DPF3: variants seen among roughly 807,000 people sequenced by gnomAD.
DPF3 encodes the protein zinc finger protein DPF3.
Under a neutral mutation model 56.8 loss-of-function variants are expected in DPF3, and 18 were observed. The observed-to-expected ratio is 0.32, with a 90% CI of 0.22 to 0.47. The LOEUF (loss-of-function observed/expected upper bound fraction) is 0.47, where lower values mean the gene tolerates loss of function less well. Among genes scored for constraint, DPF3 ranks in the 20% least tolerant of loss-of-function variants. DPF3 has a pLI of 1.00. For missense variants in DPF3, 403 were observed against 488.8 expected, an observed-to-expected ratio of 0.82 and a Z score of 1.65; for synonymous variants, 188 against 180.2, an observed-to-expected ratio of 1.04 and a Z score of -0.35.
chr14:72,707,087 TG>T (rs1888437619), intron 6 of DPF3, among the ~76,000 whole-genome samples: 1 of 152,102 alleles, frequency 6.6e-6, no homozygotes. Flanking sequence ...TTTGGTTTTT[TG>T]TTCTTGCGAT....
At chr14:72,788,787 T>C (rs55702801) in intron 1 of DPF3, among the ~76,000 whole-genome samples, 22,315 of 152,190 alleles carry the variant, frequency 0.15, 1,751 homozygotes, top group Middle Eastern at 0.32. Context: ...AAGGGGTTGG[T>C]GGGTTGTCCC....
At chr14:72,673,920 C>T in intron 8 of DPF3, 2 of 280,946 alleles carry the variant, frequency 7.1e-6, no homozygotes, top group Non-Finnish European at 1.3e-5. Context: ...CAAGAAAGCA[C>T]GTTGCCTTCT....
At chr14:72,883,566 C>T (rs1472520422) in intron 1 of DPF3, among the ~76,000 whole-genome samples, 3 of 152,182 alleles carry the variant, frequency 2.0e-5, no homozygotes, top group African/African-American at 7.2e-5. Flanking sequence ...ACTTCCAAGG[C>T]TGGCAACCAA....
At chr14:72,746,467 G>A (rs1268247708) in intron 3 of DPF3, among the ~76,000 whole-genome samples, 1 of 152,162 alleles carries the variant, frequency 6.6e-6, no homozygotes, top group African/African-American at 2.4e-5. Context: ...CCTAGGGTTT[G>A]TGGGGGTTGT....
chr14:72,617,958 G>T lies in DPF3; in HGVS notation c.*1339C>A, dbSNP rs1245209241. ...ATATGTCAGTTATTGTGCTGCTGCT[G>T]CGATTCAAAGTCAGCCCAATCCGCT... On this transcript the variant is annotated 3_prime_UTR_variant, in exon 11 of 11. Coordinates refer to ENST00000556509, the MANE Select transcript of DPF3 (RefSeq NM_001280542.3). Among the ~76,000 whole-genome samples the T allele has an allele frequency of 2.0e-5, 3 of 151,964 alleles. No homozygotes were observed. Among genetic ancestry groups the T allele is most frequent in the Non-Finnish European group, 4.4e-5 (3 of 67,998 alleles).
intron 1 of DPF3, among the ~76,000 whole-genome samples, chr14:72,776,853 T>G (rs1891760855): frequency 7.3e-6 from 1 of 137,196 alleles, no homozygotes; most frequent in Non-Finnish European, 1.6e-5. Flanking sequence ...CAAGTCTCAA[T>G]CCTCCTAGGG....
chr14:72,647,640 A>ACGGTTTC (rs1456651362), intron 8 of DPF3, among the ~76,000 whole-genome samples: 1 of 152,234 alleles, frequency 6.6e-6, no homozygotes, highest in African/African-American at 2.4e-5. Flanking sequence ...CATTTAAGAC[A>ACGGTTTC]CGGTTTCCAT....
chr14:72,654,361 C>A (rs901306019), intron 8 of DPF3, among the ~76,000 whole-genome samples: 1 of 152,282 alleles, frequency 6.6e-6, no homozygotes, highest in African/African-American at 2.4e-5. Context: ...TTCTATACTT[C>A]CCCCGCTACT....
rs143576234 is a variant in DPF3 at position 72,621,579 on chromosome 14, A to T, written c.985-1595T>A. Among the ~76,000 whole-genome samples, 1,022 of 152,278 alleles carry T rather than the reference A, an allele frequency of 6.7e-3. 11 individuals are homozygous for T. Among genetic ancestry groups the T allele is most frequent in the African/African-American group, 0.023 (972 of 41,562 alleles). On this transcript the variant is annotated intron_variant, in intron 9 of 10. Transcript: ENST00000556509. Reference sequence around the variant, plus strand: ...GGAAAGCTTTTGAAGAGTTATCAACAGGGGAGTGATACGATCAGATTGCAG... The same window carrying T: ...GGAAAGCTTTTGAAGAGTTATCAACTGGGGAGTGATACGATCAGATTGCAG...
intron 1 of DPF3, among the ~76,000 whole-genome samples, chr14:72,774,625 C>CA (rs919318078): frequency 6.7e-5 from 10 of 149,616 alleles, no homozygotes; most frequent in African/African-American, 9.8e-5. Flanking sequence ...GACAAGCATC[C>CA]AAAAAAAAAC....
At chr14:72,826,601 C>G (rs1883813067) in intron 1 of DPF3, among the ~76,000 whole-genome samples, 1 of 152,238 alleles carries the variant, frequency 6.6e-6, no homozygotes, top group Non-Finnish European at 1.5e-5. Context: ...AAACTTCATT[C>G]TTATTCAGGA....
chr14:72,757,564 C>G (rs913743341), intron 2 of DPF3, among the ~76,000 whole-genome samples: 1 of 151,890 alleles, frequency 6.6e-6, no homozygotes, highest in African/African-American at 2.4e-5. Flanking sequence ...AGTGACTACC[C>G]CTGCTCAGAA....
chr14:72,701,554 G>C (rs1322200274), intron 6 of DPF3, among the ~76,000 whole-genome samples: 1 of 152,122 alleles, frequency 6.6e-6, no homozygotes, highest in Non-Finnish European at 1.5e-5. Context: ...CGGGGGTCGG[G>C]GGGAGCAGGG....
chr14:72,782,506 T>C (rs563862837), intron 1 of DPF3, among the ~76,000 whole-genome samples: 11 of 152,290 alleles, frequency 7.2e-5, no homozygotes, highest in Middle Eastern at 6.8e-3. Flanking sequence ...ATTACAGGTG[T>C]GATCCACTAT....
In DPF3 at chr14:72,732,200, G is replaced by A. The variant is rs146848780; in HGVS notation, c.302-266C>T. On this transcript the variant is annotated intron_variant, in intron 3 of 10. Coordinates refer to ENST00000556509, the MANE Select transcript of DPF3 (RefSeq NM_001280542.3). Reference sequence around the variant, plus strand: ...GTGCGGGGTAGATGTGGGCTCACACGGCCATGCTTCTGCCTCTCCAGCCAT... The same window carrying A: ...GTGCGGGGTAGATGTGGGCTCACACAGCCATGCTTCTGCCTCTCCAGCCAT... Among the ~76,000 whole-genome samples the A allele has an allele frequency of 7.5e-3, 1,138 of 152,330 alleles. 11 individuals carry two copies. Among genetic ancestry groups the A allele is most frequent in the Middle Eastern group, 0.054 (16 of 294 alleles).
chr14:72,811,389 A>C (rs1883038332), intron 1 of DPF3, among the ~76,000 whole-genome samples: 1 of 152,154 alleles, frequency 6.6e-6, no homozygotes, highest in Non-Finnish European at 1.5e-5. Context: ...CAAAGATAAG[A>C]CTGCCAGCCA....
intron 1 of DPF3, among the ~76,000 whole-genome samples, chr14:72,869,904 G>T (rs1242705425): frequency 6.6e-6 from 1 of 152,112 alleles, no homozygotes; most frequent in Non-Finnish European, 1.5e-5. Flanking sequence ...ATGATGGGGG[G>T]TAGGGTGAGC....
chr14:72,880,364 G>A (rs1245058040), intron 1 of DPF3, among the ~76,000 whole-genome samples: 2 of 152,162 alleles, frequency 1.3e-5, no homozygotes, highest in African/African-American at 2.4e-5. Flanking sequence ...TCAAACTTTA[G>A]TTGGCAGTTG....
intron 1 of DPF3, among the ~76,000 whole-genome samples, chr14:72,878,992 C>T (rs1191707821): frequency 6.6e-6 from 1 of 152,228 alleles, no homozygotes; most frequent in Non-Finnish European, 1.5e-5. Flanking sequence ...TAAAAGCAAA[C>T]TTGGGCAGCA....
Sources: allele counts gnomAD v4.1 joint callset (sites outside exome capture counted in the v4.1 genomes callset), GRCh38; gene constraint gnomAD v4.1.1; transcripts MANE v1.5; gene names NCBI Gene and HGNC (gene_info 2026-07-23, HGNC 2026-07-21).